LRRTM4: variants seen among roughly 807,000 people sequenced by gnomAD.
LRRTM4 encodes the protein leucine rich repeat transmembrane neuronal 4, also known as leucine-rich repeat transmembrane neuronal protein 4.
Under a neutral mutation model 47.6 loss-of-function variants are expected in LRRTM4, and 25 were observed. The observed-to-expected ratio is 0.53, with a 90% confidence interval of 0.38 to 0.73. The LOEUF (loss-of-function observed/expected upper bound fraction) is 0.73, where lower values mean the gene tolerates loss of function less well. Among genes scored for constraint, LRRTM4 ranks in the 30% least tolerant of loss-of-function variants. LRRTM4 has a pLI of 0.00. For missense variants in LRRTM4, 638 were observed against 713.4 expected (o/e 0.89, Z 1.20); for synonymous variants, 311 against 269.5 (o/e 1.15, Z -1.51).
intron 3 of LRRTM4, among the ~76,000 whole-genome samples, chr2:77,010,904 C>A (rs1397698007): frequency 6.6e-6 from 1 of 152,090 alleles, no homozygotes. Flanking sequence ...CTTCACCATT[C>A]TTAACAGCAT....
chr2:76,794,587 A>G (rs989908390), intron 3 of LRRTM4, among the ~76,000 whole-genome samples: 2 of 152,140 alleles, frequency 1.3e-5, no homozygotes, highest in Non-Finnish European at 2.9e-5. Flanking sequence ...GATTTTACTA[A>G]CCAGGCACCT....
At chr2:77,080,999 G>A (rs2103855234) in intron 3 of LRRTM4, among the ~76,000 whole-genome samples, 1 of 152,172 alleles carries the variant, frequency 6.6e-6, no homozygotes, top group Non-Finnish European at 1.5e-5. Context: ...TATGTACTAG[G>A]TAACTGCCTC....
At chr2:77,264,180 T>C (rs187675320) in intron 3 of LRRTM4, among the ~76,000 whole-genome samples, 31 of 152,214 alleles carry the variant, frequency 2.0e-4, no homozygotes, top group African/African-American at 7.5e-4. Context: ...CTCTCAGTTC[T>C]GGAGGCTGGA....
intron 3 of LRRTM4, among the ~76,000 whole-genome samples, chr2:77,270,671 C>A (rs1318964998): frequency 1.3e-5 from 2 of 152,240 alleles, no homozygotes; most frequent in South Asian, 4.1e-4. Context: ...GACGAGGCAG[C>A]CAAATGACTA....
intron 3 of LRRTM4, among the ~76,000 whole-genome samples, chr2:76,801,549 G>T (rs1312737003): frequency 5.9e-5 from 9 of 151,952 alleles, no homozygotes; most frequent in Non-Finnish European, 1.2e-4. Context: ...AGCATTAGGA[G>T]ATATACCTAA....
In LRRTM4 at chr2:77,209,842, AT is replaced by A. The variant is rs1674242924; in HGVS notation, c.1551+308475del. Among the ~76,000 whole-genome samples, 4 of 152,334 alleles carry A rather than the reference AT, an allele frequency of 2.6e-5. No individual in the cohort carries two copies. In the South Asian group the frequency reaches 8.3e-4, roughly 32 times the overall value. ...AACAAAGTGAAAACAGCTTTTGTGT[AT>A]TTTGGATAATAGTAACTCAGCAGGA... On this transcript the variant is annotated intron_variant, in intron 3 of 3. Coordinates refer to ENST00000409884, the MANE Select transcript of LRRTM4 (RefSeq NM_001134745.3).
At chr2:77,289,013 T>C (rs186698943) in intron 3 of LRRTM4, among the ~76,000 whole-genome samples, 4 of 152,220 alleles carry the variant, frequency 2.6e-5, no homozygotes, top group Admixed American at 6.6e-5. Context: ...AAAAGAATAG[T>C]TGTTTGCTGA....
At chr2:76,756,740 A>C (rs575301978) in intron 3 of LRRTM4, among the ~76,000 whole-genome samples, 2 of 152,260 alleles carry the variant, frequency 1.3e-5, no homozygotes, top group African/African-American at 4.8e-5. Flanking sequence ...ATACACAAAA[A>C]TCTCCCTCCC....
chr2:76,990,186 T>C (rs1046177492), intron 3 of LRRTM4, among the ~76,000 whole-genome samples: 1 of 151,748 alleles, frequency 6.6e-6, no homozygotes, highest in Non-Finnish European at 1.5e-5. Context: ...CTTAATTTTG[T>C]TTCCACCTAT....
intron 3 of LRRTM4, among the ~76,000 whole-genome samples, chr2:76,878,599 C>G (rs527321266): frequency 6.6e-6 from 1 of 152,050 alleles, no homozygotes; most frequent in Non-Finnish European, 1.5e-5. Flanking sequence ...CGCAGTGGCT[C>G]ATGCCTGCAA....
At chr2:77,308,463 C>T (rs1272811084) in intron 3 of LRRTM4, among the ~76,000 whole-genome samples, 2 of 152,018 alleles carry the variant, frequency 1.3e-5, no homozygotes, top group African/African-American at 4.8e-5. Context: ...TGACTAGCCC[C>T]TTTTAATTTG....
chr2:77,054,543 G>A (rs1306169924), intron 3 of LRRTM4, among the ~76,000 whole-genome samples: 1 of 152,110 alleles, frequency 6.6e-6, no homozygotes, highest in African/African-American at 2.4e-5. Context: ...AGGGTAAATG[G>A]AGTAAACATA....
intron 3 of LRRTM4, among the ~76,000 whole-genome samples, chr2:76,979,695 G>GTGATAGATAGATAGATAGAT (rs1676537675): frequency 1.0e-4 from 8 of 78,204 alleles, no homozygotes; most frequent in Non-Finnish European, 1.6e-4. Flanking sequence ...TAGAGTATAA[G>GTGATAGATAGATAGATAGAT]CGATAGATAG....
chr2:77,284,481 T>C (rs1401122267), intron 3 of LRRTM4, among the ~76,000 whole-genome samples: 3 of 152,080 alleles, frequency 2.0e-5, no homozygotes, highest in South Asian at 4.1e-4. Flanking sequence ...TAAAATTCCA[T>C]TGGACAGGTG....
At chr2:77,499,089 G>A (rs1046506707) in intron 3 of LRRTM4, among the ~76,000 whole-genome samples, 11 of 151,782 alleles carry the variant, frequency 7.2e-5, no homozygotes, top group African/African-American at 2.4e-4. Context: ...TCAACCACGG[G>A]TGATTTTGCT....
At chr2:76,936,004 G>C (rs1381449744) in intron 3 of LRRTM4, among the ~76,000 whole-genome samples, 4 of 152,158 alleles carry the variant, frequency 2.6e-5, no homozygotes, top group Admixed American at 6.5e-5. Flanking sequence ...GTGTAAATTA[G>C]TTCAACCATT....
At chr2:77,064,296 T>C (rs1021729792) in intron 3 of LRRTM4, among the ~76,000 whole-genome samples, 1 of 152,144 alleles carries the variant, frequency 6.6e-6, no homozygotes, top group Non-Finnish European at 1.5e-5. Context: ...TATGATTATA[T>C]ATCATTTAAA....
At chr2:76,867,657 C>T (rs1042160915) in intron 3 of LRRTM4, among the ~76,000 whole-genome samples, 9 of 152,154 alleles carry the variant, frequency 5.9e-5, no homozygotes, top group African/African-American at 2.2e-4. Flanking sequence ...CAATATACTC[C>T]ATCACTGTGA....
intron 3 of LRRTM4, among the ~76,000 whole-genome samples, chr2:77,365,002 C>T (rs1331086697): frequency 2.6e-5 from 4 of 152,016 alleles, no homozygotes; most frequent in Non-Finnish European, 4.4e-5. Context: ...ATTCCATCAA[C>T]TCTTTCAGTG....
Sources: gnomAD v4.1 joint callset for allele counts (sites outside exome capture counted in the v4.1 genomes callset) on GRCh38, gnomAD v4.1.1 for gene constraint, MANE v1.5 for transcripts, NCBI Gene and HGNC (gene_info 2026-07-23, HGNC 2026-07-21) for gene names.